PLBD1: variants seen among roughly 807,000 people sequenced by gnomAD.
PLBD1 encodes the protein lysosomal leucine aminopeptidase.
A neutral mutation model predicts 63.0 loss-of-function variants in PLBD1; 60 were observed. That is an observed-to-expected ratio of 0.95 (90% CI 0.77 to 1.18). PLBD1 has a LOEUF of 1.18. PLBD1 is among the 50% of genes most tolerant of loss of function. The pLI, the probability that PLBD1 is intolerant of heterozygous loss-of-function variation, is 0.00. For missense variants in PLBD1, 598 were observed against 677.9 expected, an observed-to-expected ratio of 0.88 and a Z score of 1.31; for synonymous variants, 262 against 248.0, an observed-to-expected ratio of 1.06 and a Z score of -0.53.
intron 6 of PLBD1, chr12:14,530,251 T>C (rs1195299083): frequency 6.6e-6 from 1 of 152,314 alleles, no homozygotes; most frequent in Non-Finnish European, 1.5e-5. Flanking sequence ...AGTAAGTCGT[T>C]TTGGAAGTGC....
chr12:14,565,353 C>T, intron 1 of PLBD1, among the ~76,000 whole-genome samples: 1 of 151,718 alleles, frequency 6.6e-6, no homozygotes, highest in East Asian at 1.9e-4. Context: ...GTAATCCCAG[C>T]TACTCGGGAG....
intron 4 of PLBD1, 65 bp from the exon 5 acceptor site, chr12:14,536,775 T>C: frequency 6.3e-7 from 1 of 1,580,862 alleles, no homozygotes; most frequent in South Asian, 1.1e-5. Context: ...TGTTTTCCTC[T>C]TGTTAGGGAC....
At chr12:14,517,237 C>T (rs1945343752) in intron 6 of PLBD1, among the ~76,000 whole-genome samples, 1 of 152,106 alleles carries the variant, frequency 6.6e-6, no homozygotes, top group Non-Finnish European at 1.5e-5. Flanking sequence ...GCTTCAAACC[C>T]CCAGGATCAA....
At chr12:14,519,488 A>C (rs1945360603) in intron 6 of PLBD1, among the ~76,000 whole-genome samples, 1 of 152,086 alleles carries the variant, frequency 6.6e-6, no homozygotes, top group Non-Finnish European at 1.5e-5. Flanking sequence ...GTGTGGTGGC[A>C]TGCACCTGTA....
chr12:14,548,279 A>T (rs1439629106), intron 2 of PLBD1, among the ~76,000 whole-genome samples: 4 of 151,874 alleles, frequency 2.6e-5, no homozygotes, highest in Non-Finnish European at 1.5e-5. Flanking sequence ...CAGCATGGTG[A>T]AACCCTGTCT....
chr12:14,567,153 ACAATCGTG>A (rs1172445061), intron 1 of PLBD1, among the ~76,000 whole-genome samples: 1 of 152,204 alleles, frequency 6.6e-6, no homozygotes, highest in East Asian at 1.9e-4. Context: ...TATCAAACTG[ACAATCGTG>A]CAATCGTGAT....
chr12:14,508,195 A>T (rs577259651), intron 8 of PLBD1, among the ~76,000 whole-genome samples: 1 of 152,338 alleles, frequency 6.6e-6, no homozygotes, highest in Non-Finnish European at 1.5e-5. Flanking sequence ...CAGGAATTAG[A>T]TTGCCTGGAT....
intron 3 of PLBD1, among the ~76,000 whole-genome samples, chr12:14,541,300 C>T (rs2287539): frequency 0.25 from 38,388 of 152,114 alleles, 5,528 homozygotes; most frequent in Admixed American, 0.33. Flanking sequence ...AGTTAAACAA[C>T]GGGACAAAAA....
intron 6 of PLBD1, among the ~76,000 whole-genome samples, chr12:14,517,207 C>T (rs374724415): frequency 5.9e-5 from 9 of 152,208 alleles, no homozygotes; most frequent in South Asian, 2.1e-4. Context: ...AGTGCCGTGG[C>T]GTGATCAAGG....
At chr12:14,525,187 G>A (rs1286992746) in intron 6 of PLBD1, among the ~76,000 whole-genome samples, 4 of 152,112 alleles carry the variant, frequency 2.6e-5, no homozygotes, top group Non-Finnish European at 5.9e-5. Context: ...GCTTGAACCT[G>A]GGAGGTGGAG....
chr12:14,553,876 A>T, intron 1 of PLBD1: 1 of 173,456 alleles, frequency 5.8e-6, no homozygotes. Context: ...GCAGTGAGGG[A>T]GGAAGGGGAC....
At chr12:14,508,203 G>T (rs544654609) in intron 8 of PLBD1, among the ~76,000 whole-genome samples, 12 of 152,282 alleles carry the variant, frequency 7.9e-5, no homozygotes, top group South Asian at 6.2e-4. Context: ...AGATTGCCTG[G>T]ATTTGAAGCC....
intron 6 of PLBD1, among the ~76,000 whole-genome samples, chr12:14,523,514 T>C (rs1290092406): frequency 6.6e-6 from 1 of 152,024 alleles, no homozygotes; most frequent in Non-Finnish European, 1.5e-5. Flanking sequence ...AGACCCCAAA[T>C]AGTCAAAGCA....
rs139627214 is a variant in PLBD1 at position 14,537,486 on chromosome 12, CA to C, written c.559-777del. ...CTCTGGAGAGAAAACCACTCTTAGACAAGAACCACTGCTATACAGCAAAAAC... is the reference window on the plus strand; with the variant it reads ...CTCTGGAGAGAAAACCACTCTTAGACAGAACCACTGCTATACAGCAAAAAC... On this transcript the variant is annotated intron_variant, in intron 4 of 10. Coordinates refer to ENST00000240617, the MANE Select transcript of PLBD1 (RefSeq NM_024829.6). Among the ~76,000 whole-genome samples the C allele has an allele frequency of 3.7e-3, 562 of 152,298 alleles. 1 individual carries two copies. The highest frequency in any genetic ancestry group is 0.017 in the Middle Eastern group (5 of 294).
chr12:14,556,852 C>T (rs911181300), intron 1 of PLBD1, among the ~76,000 whole-genome samples: 6 of 151,598 alleles, frequency 4.0e-5, no homozygotes, highest in South Asian at 2.1e-4. Flanking sequence ...GGCATGGTGA[C>T]GTAAGCCTGT....
rs528219292 is a variant in PLBD1 at position 14,556,620 on chromosome 12, C to T, written c.116-3208G>A. ...CCAACCTCAGGTGATCCGCCTGCCT[C>T]GGCCTCCCAAAGTGCTTGGATTACA... On this transcript the variant is annotated intron_variant, in intron 1 of 10. Transcript: ENST00000240617. Among the ~76,000 whole-genome samples, 9 of 151,534 alleles carry T rather than the reference C, an allele frequency of 5.9e-5. No homozygotes were observed. The South Asian group carries it at 1.0e-3, about 18-fold the overall frequency.
chr12:14,555,223 T>C (rs907121311), intron 1 of PLBD1, among the ~76,000 whole-genome samples: 1 of 152,206 alleles, frequency 6.6e-6, no homozygotes, highest in Admixed American at 6.5e-5. Context: ...CGGCTAAGAA[T>C]GTTCAATAGT....
chr12:14,558,866 T>C (rs1314173297), intron 1 of PLBD1, among the ~76,000 whole-genome samples: 1 of 152,146 alleles, frequency 6.6e-6, no homozygotes, highest in Non-Finnish European at 1.5e-5. Flanking sequence ...TGTACCTCCA[T>C]GAATGAAAAA....
chr12:14,535,602 A>C, intron 6 of PLBD1, 57 bp downstream of exon 6: 1 of 1,570,286 alleles, frequency 6.4e-7, no homozygotes, highest in Non-Finnish European at 8.7e-7. Context: ...TGAATCACTA[A>C]GGTTTTATCC....
Sources: gnomAD v4.1 joint callset for allele counts (sites outside exome capture counted in the v4.1 genomes callset) on GRCh38, gnomAD v4.1.1 for gene constraint, MANE v1.5 for transcripts, NCBI Gene and HGNC (gene_info 2026-07-23, HGNC 2026-07-21) for gene names.